The following USP34 variants were observed in gnomAD, a reference collection of about 807,000 sequenced individuals.
USP34 encodes the protein ubiquitin specific peptidase 34.
In USP34, 70 loss-of-function variants were observed where a neutral mutation model predicts 460.3. The observed-to-expected ratio is 0.15, with a 90% CI of 0.13 to 0.19. USP34 has a LOEUF of 0.19. Ranked by LOEUF, USP34 falls within the 10% of genes least tolerant of loss-of-function variation. The pLI is 1.00. For missense variants in USP34, 3,985 were observed against 4,236.2 expected, an observed-to-expected ratio of 0.94 and a Z score of 1.65; for synonymous variants, 1,647 against 1,405.3, an observed-to-expected ratio of 1.17 and a Z score of -3.85.
Position 61,188,640 on chromosome 2 carries a change from C to T in USP34, c.10103G>A (p.Cys3368Tyr). 1 of 1,614,174 alleles carries T rather than the reference C, an allele frequency of 6.2e-7. No individual in the cohort carries two copies. The highest frequency in any genetic ancestry group is 2.2e-5 in the East Asian group (1 of 44,872). ...GGTTTCTGTTTTCATGTCACTGATG[C>T]AGCTGTCTACAGTGTGCTCCTCATC... is the stretch of plus-strand genomic sequence containing the variant. Reference protein sequence around the residue: ...SSDEEHTVDSCISDMKTETRE... With the variant: ...SSDEEHTVDSYISDMKTETRE... The change falls in exon 80 of 80, where the codon TGC becomes TAC. Residue 3368 changes from cysteine to tyrosine, a missense_variant. Physicochemically the swap from Cys to Tyr is radical, Grantham distance 194. Transcript: ENST00000398571.
chr2:61,441,808 AAAAAAAAG>A (rs1358679284), intron 1 of USP34, among the ~76,000 whole-genome samples: 9 of 151,480 alleles, frequency 5.9e-5, no homozygotes, highest in Middle Eastern at 3.4e-3. Flanking sequence ...ATTACAAAAA[AAAAAAAAG>A]AAAAAAGAAA....
intron 7 of USP34, among the ~76,000 whole-genome samples, chr2:61,378,913 G>GAAAAAAAAAAAAAAAAAAAAAAAAA (rs34463913): frequency 3.5e-5 from 2 of 57,870 alleles, no homozygotes; most frequent in Non-Finnish European, 5.7e-5. Context: ...TCAAAAAAAC[G>GAAAAAAAAAAAAAAAAAAAAAAAAA]AAAAAAAAAA....
chr2:61,419,645 T>C (rs868368561), intron 2 of USP34, among the ~76,000 whole-genome samples: 9 of 152,202 alleles, frequency 5.9e-5, no homozygotes, highest in East Asian at 1.9e-4. Context: ...GGCAAACTTA[T>C]AGATCCTGAA....
chr2:61,464,745 T>C (rs1481196800), intron 1 of USP34, among the ~76,000 whole-genome samples: 1 of 129,464 alleles, frequency 7.7e-6, no homozygotes, highest in Admixed American at 8.1e-5. Flanking sequence ...AAAAAAGAGG[T>C]ACTATGTAAT....
intron 18 of USP34, among the ~76,000 whole-genome samples, chr2:61,334,730 G>GGTT (rs1260657840): frequency 2.0e-5 from 3 of 152,102 alleles, no homozygotes; most frequent in Non-Finnish European, 2.9e-5. Context: ...GGCATTAAGT[G>GGTT]GTTATTGACT....
At chr2:61,351,776 G>C (rs890682811) in intron 10 of USP34, among the ~76,000 whole-genome samples, 3 of 151,920 alleles carry the variant, frequency 2.0e-5, no homozygotes, top group African/African-American at 7.3e-5. Context: ...ATCTTGGTGA[G>C]GCTTCTTATA....
intron 1 of USP34, among the ~76,000 whole-genome samples, chr2:61,460,994 G>GA (rs1005094361): frequency 4.6e-4 from 63 of 135,700 alleles, no homozygotes; most frequent in South Asian, 2.1e-3. Context: ...AAAAAAAAAA[G>GA]AAAAAAAAAA....
chr2:61,415,701 T>C (rs1426498159), intron 2 of USP34, among the ~76,000 whole-genome samples: 2 of 152,206 alleles, frequency 1.3e-5, no homozygotes, highest in African/African-American at 4.8e-5. Context: ...TCCCTGCCAA[T>C]TAATTTTTTT....
chr2:61,360,375 A>G (rs1220296445), intron 10 of USP34, among the ~76,000 whole-genome samples: 2 of 152,214 alleles, frequency 1.3e-5, no homozygotes, highest in Non-Finnish European at 2.9e-5. Context: ...TAATATAAAA[A>G]AATCAGCAGC....
intron 8 of USP34, among the ~76,000 whole-genome samples, 155 bp from the exon 9 acceptor site, chr2:61,370,734 G>A (rs906599467): frequency 1.3e-5 from 2 of 152,176 alleles, no homozygotes; most frequent in Non-Finnish European, 2.9e-5. Context: ...AGCATAACTA[G>A]AATGAAATAT....
At chr2:61,415,719 G>A (rs1169277710) in intron 2 of USP34, among the ~76,000 whole-genome samples, 4 of 152,242 alleles carry the variant, frequency 2.6e-5, no homozygotes, top group African/African-American at 9.6e-5. Context: ...TTTAAACTCT[G>A]TATTACTTAT....
intron 10 of USP34, among the ~76,000 whole-genome samples, chr2:61,362,571 A>C (rs1225414024): frequency 6.6e-6 from 1 of 152,204 alleles, no homozygotes; most frequent in East Asian, 1.9e-4. Flanking sequence ...AAGAGAGATA[A>C]ATGCTGCATA....
At chr2:61,368,031 A>T (rs189174089) in intron 10 of USP34, among the ~76,000 whole-genome samples, 1,940 of 152,328 alleles carry the variant, frequency 0.013, 16 homozygotes, top group Non-Finnish European at 0.02. Context: ...ACATGTCCTT[A>T]AACAACCGGA....
Position 61,402,311 on chromosome 2 carries a change from C to A in USP34, c.552+3397G>T, listed in dbSNP as rs185589331. On this transcript the variant is annotated intron_variant, in intron 3 of 79. Coordinates refer to ENST00000398571, the MANE Select transcript of USP34 (RefSeq NM_014709.4). ...GGAAAAAAATTAAAACTAGGCCATT[C>A]CCCCTTTTGATCCTGAATTAGTACT... 3.0e-4 allele frequency among the ~76,000 whole-genome samples: 46 copies of A among 152,048 alleles called. No homozygotes were observed. In the East Asian group the frequency reaches 7.6e-3, roughly 25 times the overall value.
intron 1 of USP34, among the ~76,000 whole-genome samples, chr2:61,460,980 C>T (rs1050328752): frequency 1.6e-4 from 13 of 81,134 alleles, no homozygotes; most frequent in Non-Finnish European, 3.0e-4. Context: ...GACTCCATCT[C>T]AAAAAAAAAA....
intron 33 of USP34, 77 bp from the exon 34 acceptor site, chr2:61,288,954 GAC>G (rs1689770431): frequency 6.9e-7 from 1 of 1,450,466 alleles, no homozygotes; most frequent in Non-Finnish European, 9.4e-7. Flanking sequence ...GAAATTAAAA[GAC>G]CAGAAAATAA....
chr2:61,390,218 C>T (rs1279131471), intron 5 of USP34, among the ~76,000 whole-genome samples: 1 of 152,100 alleles, frequency 6.6e-6, no homozygotes, highest in East Asian at 1.9e-4. Flanking sequence ...AAAATAAACC[C>T]CTTGTCTCTA....
intron 32 of USP34, among the ~76,000 whole-genome samples, chr2:61,294,120 T>C (rs186197882): frequency 0.011 from 1,691 of 151,762 alleles, 32 homozygotes; most frequent in African/African-American, 0.039. Flanking sequence ...CCGAGGCGGG[T>C]GGATCACGAG....
rs1330287426 is a variant in USP34, at chr2:61,293,460, T to G, written c.4548+4A>C. On this transcript the variant is annotated splice_donor_region_variant and intron_variant, in intron 33 of 79. Transcript: ENST00000398571. ...ACTAGTTGAAACCATAAATATGCAC[T>G]TACCACAGTCCATGATTCCTGCTCT... The G allele has an allele frequency of 3.7e-6, 6 of 1,610,156 alleles. No individual in the cohort carries two copies. The highest frequency in any genetic ancestry group is 5.1e-6 in the Non-Finnish European group (6 of 1,177,672).
Sources: gnomAD v4.1 joint callset for allele counts (sites outside exome capture counted in the v4.1 genomes callset) on GRCh38, gnomAD v4.1.1 for gene constraint, MANE v1.5 for transcripts, NCBI Gene and HGNC (gene_info 2026-07-23, HGNC 2026-07-21) for gene names.